Variants in PSCA observed in about 807,000 individuals in gnomAD.
The protein encoded by PSCA is prostate stem cell antigen.
In PSCA, 7 loss-of-function variants were observed where a neutral mutation model predicts 7.9. The ratio of observed to expected loss-of-function variants is 0.89; its 90% CI spans 0.51 to 1.67. PSCA has a LOEUF of 1.67. Among genes scored for constraint, PSCA ranks in the 40% most tolerant of loss-of-function variants. PSCA has a pLI of 0.00. For synonymous variants in PSCA, 61 were observed against 68.3 expected (o/e 0.89, Z 0.53); for missense variants, 151 against 147.9 (o/e 1.02, Z -0.11).
intron 1 of PSCA, among the ~76,000 whole-genome samples, chr8:142,672,184 C>T (rs75914363): frequency 0.047 from 7,087 of 152,256 alleles, 222 homozygotes; most frequent in Middle Eastern, 0.088. Flanking sequence ...CACTCAGGCT[C>T]AGCCTCAACA....
At chr8:142,672,091 T>A (rs1847339788) in intron 1 of PSCA, among the ~76,000 whole-genome samples, 1 of 151,636 alleles carries the variant, frequency 6.6e-6, no homozygotes, top group Non-Finnish European at 1.5e-5. Context: ...AGCCAATGTC[T>A]CTGCTTAGCT....
upstream of PSCA, among the ~76,000 whole-genome samples, chr8:142,679,301 C>T (rs1554638087): frequency 6.6e-6 from 1 of 152,238 alleles, no homozygotes; most frequent in African/African-American, 2.4e-5. Context: ...CTGAGGGGGT[C>T]ACTCAAGGTC....
intron 1 of PSCA, among the ~76,000 whole-genome samples, chr8:142,671,600 C>G (rs1256766986): frequency 1.3e-5 from 2 of 152,212 alleles, no homozygotes; most frequent in African/African-American, 4.8e-5. Context: ...GTTGCCCAGG[C>G]TGGAGTGCAG....
rs781802007 is a variant in PSCA, at chr8:142,681,427, G to A, written c.126G>A (p.Ala42=). 103 of 1,587,446 alleles carry A rather than the reference G, an allele frequency of 6.5e-5. 2 individuals are homozygous for A. In the South Asian group the frequency reaches 6.9e-4, roughly 11 times the overall value. The part of the protein sequence containing the change: ...CTQLGEQCWT[A]RIRAVGLLTV... ...AGCTGGGGGAGCAGTGCTGGACCGC[G>A]CGCATCCGTGAGTGGGGGGACGACA... is the stretch of plus-strand genomic sequence containing the variant. The change falls in exon 2 of 3, where the codon GCG becomes GCA. Residue 42 remains alanine (A), a synonymous_variant. Coordinates refer to ENST00000301258, the MANE Select transcript of PSCA (RefSeq NM_005672.5).
intron 1 of PSCA, among the ~76,000 whole-genome samples, chr8:142,671,628 C>T (rs1283368836): frequency 2.0e-5 from 3 of 152,132 alleles, no homozygotes; most frequent in South Asian, 4.1e-4. Context: ...TTCTCCTCAC[C>T]GCAGCTTCAA....
intron 2 of PSCA, 80 bp from the exon 3 acceptor site, chr8:142,681,841 T>TA: frequency 1.0e-6 from 1 of 1,002,290 alleles, no homozygotes; most frequent in Non-Finnish European, 1.5e-6. Flanking sequence ...TTAGGCAGGG[T>TA]GGGACAGGAG....
chr8:142,677,636 C>A (rs1238732918), upstream of PSCA, among the ~76,000 whole-genome samples: 2 of 152,194 alleles, frequency 1.3e-5, no homozygotes, highest in East Asian at 3.9e-4. Context: ...GAGGATGGGA[C>A]AGGGGCTGTC....
At chr8:142,681,724 G>T in intron 2 of PSCA, 197 bp from the exon 3 acceptor site, 1 of 607,284 alleles carries the variant, frequency 1.6e-6, no homozygotes, top group Non-Finnish European at 2.9e-6. Flanking sequence ...GACGCTCAGC[G>T]GGTGGTCCAT....
intron 1 of PSCA, among the ~76,000 whole-genome samples, chr8:142,671,172 G>A (rs893032792): frequency 1.1e-4 from 16 of 152,194 alleles, no homozygotes; most frequent in Non-Finnish European, 2.4e-4. Flanking sequence ...AGATAGGAGG[G>A]CAGGTGCCAT....
At chr8:142,675,855 C>T (rs191418528), upstream of PSCA, 2 of 152,340 alleles carry the variant, frequency 1.3e-5, no homozygotes, top group African/African-American at 4.8e-5. Context: ...TCTGCAAGGG[C>T]GTTTTTCCAA....
At chr8:142,678,931 G>A (rs1304199014), upstream of PSCA, among the ~76,000 whole-genome samples, 2 of 147,902 alleles carry the variant, frequency 1.4e-5, no homozygotes, top group Non-Finnish European at 3.0e-5. Context: ...CTGCTCTAGA[G>A]GGCCATAGCC....
chr8:142,679,159 A>G (rs944579893), upstream of PSCA, among the ~76,000 whole-genome samples: 1 of 152,224 alleles, frequency 6.6e-6, no homozygotes, highest in Non-Finnish European at 1.5e-5. Flanking sequence ...CTCCCAGGAC[A>G]TGGAGCAGGA....
upstream of PSCA, among the ~76,000 whole-genome samples, chr8:142,679,630 G>A (rs587695135): frequency 3.2e-4 from 48 of 152,338 alleles, no homozygotes; most frequent in African/African-American, 1.1e-3. Flanking sequence ...TGGGCAGCTG[G>A]AACTGGGGGC....
Position 142,682,205 on chromosome 8 carries a change from G to A in PSCA, c.*73G>A, listed in dbSNP as rs782430438. 18 of 1,482,682 alleles carry A rather than the reference G, an allele frequency of 1.2e-5. No homozygotes were observed. The highest frequency in any genetic ancestry group is 1.5e-5 in the Non-Finnish European group (16 of 1,094,710). 91.8% of individuals were successfully genotyped at this position (1,482,682 alleles called of 1,614,324 possible). A position where few individuals can be genotyped will look rare whatever the true frequency, so the allele number is the denominator to read the frequency against. Reference sequence around the variant, plus strand: ...CCTCTGTGCCACTCCTCACACACCCGGCCCAGTGGGAGCCTGTCCTGGTTC... The same window carrying A: ...CCTCTGTGCCACTCCTCACACACCCAGCCCAGTGGGAGCCTGTCCTGGTTC... On this transcript the variant is annotated 3_prime_UTR_variant, in exon 3 of 3. Coordinates refer to ENST00000301258, the MANE Select transcript of PSCA (RefSeq NM_005672.5).
intron 1 of PSCA, 187 bp downstream of exon 1, chr8:142,680,750 C>G: frequency 1.4e-6 from 1 of 718,756 alleles, no homozygotes; most frequent in Non-Finnish European, 2.3e-6. Context: ...CGACCTGTTC[C>G]CTGCCGTCCC....
Position 142,682,037 on chromosome 8 carries a change from A to G in PSCA, c.250A>G (p.Asn84Asp). 1.3e-5 allele frequency: 21 copies of G among 1,612,724 alleles called. No homozygotes were observed. Among genetic ancestry groups the G allele is most frequent in the Non-Finnish European group, 1.6e-5 (19 of 1,179,804 alleles). ...NITCCDTDLC[N>D]ASGAHALQPA... ...CACGTGCTGTGACACCGACTTGTGC[A>G]ACGCCAGCGGGGCCCATGCCCTGCA... Residue 84 changes from asparagine (N) to aspartate (D), a missense_variant, in exon 3 of 3, where the codon AAC (asparagine) becomes GAC (aspartate). Transcript: ENST00000301258.
At chr8:142,679,544 G>C (rs1217729215), upstream of PSCA, among the ~76,000 whole-genome samples, 1 of 152,240 alleles carries the variant, frequency 6.6e-6, no homozygotes, top group Non-Finnish European at 1.5e-5. Context: ...TGCACAGCTT[G>C]ATGGTACCCA....
upstream of PSCA, among the ~76,000 whole-genome samples, chr8:142,676,797 C>A (rs1204697882): frequency 1.3e-5 from 2 of 152,224 alleles, no homozygotes; most frequent in Non-Finnish European, 2.9e-5. Flanking sequence ...ACAGAGCCAG[C>A]TGACCGGGAG....
chr8:142,671,774 G>A (rs189193782), intron 1 of PSCA, among the ~76,000 whole-genome samples: 3 of 152,208 alleles, frequency 2.0e-5, no homozygotes, highest in South Asian at 4.1e-4. Context: ...TCTCGAGCTC[G>A]TGGACTCAAG....
Sources: gnomAD v4.1 joint callset for allele counts (sites outside exome capture counted in the v4.1 genomes callset) on GRCh38, gnomAD v4.1.1 for gene constraint, MANE v1.5 for transcripts, NCBI Gene and HGNC (gene_info 2026-07-23, HGNC 2026-07-21) for gene names.